The following CUL2 variants were observed in gnomAD, a reference collection of about 807,000 sequenced individuals.
CUL2 encodes the protein cullin 2.
CUL2 carries 22 observed loss-of-function variants against 110.2 expected under a neutral mutation model. The observed-to-expected ratio is 0.20, with a 90% CI of 0.14 to 0.28. The LOEUF (loss-of-function observed/expected upper bound fraction) is 0.28, where lower values mean the gene tolerates loss of function less well. Ranked by LOEUF, CUL2 falls within the 10% of genes least tolerant of loss-of-function variation. The pLI is 1.00. For missense variants in CUL2, 631 were observed against 905.5 expected (o/e 0.70, Z 3.89); for synonymous variants, 279 against 293.2 (o/e 0.95, Z 0.49).
intron 2 of CUL2, among the ~76,000 whole-genome samples, chr10:35,065,199 C>T: frequency 6.6e-6 from 1 of 152,172 alleles, no homozygotes; most frequent in Admixed American, 6.5e-5. Flanking sequence ...AGATTTTCAA[C>T]CTCCAACACT....
Position 35,010,049 on chromosome 10 carries a change from C to T in CUL2, c.*262G>A, listed in dbSNP as rs915443458. ...CGTGAAGGGGAGAAAAAGCATGGTA[C>T]CCAACCGAATTTCCACTTTTCAGCA... On this transcript the variant is annotated 3_prime_UTR_variant, in exon 21 of 21. Coordinates refer to ENST00000374749, the MANE Select transcript of CUL2 (RefSeq NM_003591.4). 4.9e-6 allele frequency: 1 copy of T among 203,068 alleles called. No individual in the cohort carries two copies. Among genetic ancestry groups the T allele is most frequent in the African/African-American group, 2.3e-5 (1 of 42,818 alleles). The allele number at this position is 203,068 out of a possible 1,614,324, so 12.6% of individuals were successfully genotyped here.
At chr10:35,049,842 T>A in intron 5 of CUL2, 77 bp from the exon 6 acceptor site, 3 of 894,120 alleles carry the variant, frequency 3.4e-6, no homozygotes, top group Non-Finnish European at 5.3e-6. Context: ...TTTTTTTAAC[T>A]AAAAATACTC....
At chr10:35,082,481 G>C (rs547469386) in intron 1 of CUL2, among the ~76,000 whole-genome samples, 74 of 152,236 alleles carry the variant, frequency 4.9e-4, no homozygotes, top group Admixed American at 2.4e-3. Flanking sequence ...TTTTGGAAAT[G>C]GTGGTGAGGG....
chr10:35,022,884 A>C (rs2085237662), intron 17 of CUL2, among the ~76,000 whole-genome samples: 1 of 152,088 alleles, frequency 6.6e-6, no homozygotes, highest in Admixed American at 6.5e-5. Flanking sequence ...GTCTCTACTA[A>C]AAATACAAAA....
At chr10:35,013,151 TA>T (rs2084945868) in intron 19 of CUL2, among the ~76,000 whole-genome samples, 1 of 152,016 alleles carries the variant, frequency 6.6e-6, no homozygotes, top group Non-Finnish European at 1.5e-5. Context: ...CCACCCTGGC[TA>T]ACACAGTGAA....
intron 15 of CUL2, 127 bp downstream of exon 15, chr10:35,029,361 T>G (rs1372267249): frequency 3.1e-6 from 2 of 654,550 alleles, no homozygotes; most frequent in Non-Finnish European, 4.7e-6. Flanking sequence ...CCAGCCCAAA[T>G]CAATAGGACT....
At chr10:35,032,327 T>C in intron 12 of CUL2, 108 bp downstream of exon 12, 1 of 921,502 alleles carries the variant, frequency 1.1e-6, no homozygotes, top group Non-Finnish European at 1.7e-6. Context: ...ATTTTCCTTC[T>C]ATTTTTCTGA....
rs200104650 is a variant in CUL2, at chr10:35,038,992, G to C, written c.805C>G (p.Arg269Gly). The part of the protein sequence containing the change: ...YTKVIHECQQ[R>G]MVADHLQFLH... ...AACTGTAAGTGGTCTGCTACCATTC[G>C]TTGTTGACATTCATGAATCACCTTA... Residue 269 changes from arginine (R) to glycine (G), a missense_variant, in exon 9 of 21, where the codon CGA (arginine) becomes GGA (glycine). Transcript: ENST00000374749. 1.2e-6 allele frequency: 2 copies of C among 1,609,484 alleles called. No homozygotes were observed. The highest frequency in any genetic ancestry group is 1.3e-5 in the African/African-American group (1 of 74,784).
chr10:35,047,060 AAAG>A (rs2085962106), intron 6 of CUL2, among the ~76,000 whole-genome samples: 2 of 152,232 alleles, frequency 1.3e-5, no homozygotes, highest in Admixed American at 6.5e-5. Flanking sequence ...TCCAGGTAAT[AAAG>A]AAGAACAAAA....
At chr10:35,067,526 G>A (rs1021217582) in intron 2 of CUL2, among the ~76,000 whole-genome samples, 2 of 152,050 alleles carry the variant, frequency 1.3e-5, no homozygotes, top group Non-Finnish European at 1.5e-5. Context: ...GAGGTGGGGG[G>A]AATCACTTAA....
intron 1 of CUL2, chr10:35,079,609 T>C (rs1334747358): frequency 6.5e-6 from 1 of 153,166 alleles, no homozygotes; most frequent in Non-Finnish European, 1.5e-5. Flanking sequence ...GCAAAACTAG[T>C]AAGAATTTCT....
At chr10:35,019,458 T>A (rs1418714167) in intron 17 of CUL2, among the ~76,000 whole-genome samples, 1 of 152,106 alleles carries the variant, frequency 6.6e-6, no homozygotes. Flanking sequence ...CTGAAAAGAC[T>A]GGGGAAGGGG....
At chr10:35,095,595 G>A (rs968950978), upstream of CUL2, among the ~76,000 whole-genome samples, 4 of 152,016 alleles carry the variant, frequency 2.6e-5, no homozygotes, top group East Asian at 3.9e-4. Flanking sequence ...GTCTCCCTCC[G>A]TTGCCCGGGC....
In CUL2 at chr10:35,012,210, T is replaced by C. The variant is rs141320035; in HGVS notation, c.1990-246A>G. 1.2e-3 allele frequency among the ~76,000 whole-genome samples: 188 copies of C among 152,182 alleles called. 1 individual carries two copies. Among genetic ancestry groups the C allele is most frequent in the African/African-American group, 4.4e-3 (181 of 41,504 alleles). ...CTGGGATTACAGGTATGCACCACAATATTGAGCAAATTATATAGTTATGTT... is the reference window on the plus strand; with the variant it reads ...CTGGGATTACAGGTATGCACCACAACATTGAGCAAATTATATAGTTATGTT... On this transcript the variant is annotated intron_variant, in intron 19 of 20. Transcript: ENST00000374749.
chr10:35,071,659 T>C (rs1213238179), intron 1 of CUL2, among the ~76,000 whole-genome samples: 1 of 152,184 alleles, frequency 6.6e-6, no homozygotes, highest in Non-Finnish European at 1.5e-5. Context: ...CCGCCCACCT[T>C]GGCCTCCCAA....
rs974471714 is a variant in CUL2 at position 35,096,904 on chromosome 10, G to A, written c.167+3940C>T. 2.6e-4 allele frequency among the ~76,000 whole-genome samples: 40 copies of A among 151,542 alleles called. 1 individual carries two copies. The highest frequency in any genetic ancestry group is 1.7e-3 in the Admixed American group (26 of 15,168). Reference sequence around the variant, plus strand: ...AGCTCACTGCAACCTCTGCCTCCTGGCTTCAAGTGATTCTCCTGCCTCAGC... The same window carrying A: ...AGCTCACTGCAACCTCTGCCTCCTGACTTCAAGTGATTCTCCTGCCTCAGC... On this transcript the variant is annotated intron_variant, in intron 2 of 5. Coordinates refer to the CUL2 transcript ENST00000685421.
intron 1 of CUL2, among the ~76,000 whole-genome samples, chr10:35,101,885 A>G (rs902270031): frequency 2.0e-5 from 3 of 152,346 alleles, no homozygotes; most frequent in South Asian, 2.1e-4. Flanking sequence ...CTAACAGAGC[A>G]TGAAAAACAG....
chr10:35,038,686 G>A (rs555186560), intron 9 of CUL2, among the ~76,000 whole-genome samples: 23 of 151,484 alleles, frequency 1.5e-4, no homozygotes, highest in Admixed American at 1.3e-4. Flanking sequence ...ATTAGCTCTT[G>A]TAATATATAA....
chr10:35,071,377 T>G, intron 1 of CUL2, 38 bp from the exon 2 acceptor site: 2 of 1,555,342 alleles, frequency 1.3e-6, no homozygotes, highest in South Asian at 2.3e-5. Context: ...TAGCAATAAT[T>G]CCATGAGCTT....
Sources: allele counts gnomAD v4.1 joint callset (sites outside exome capture counted in the v4.1 genomes callset), GRCh38; gene constraint gnomAD v4.1.1; transcripts MANE v1.5; gene names NCBI Gene and HGNC (gene_info 2026-07-23, HGNC 2026-07-21).